CALCRL: variants seen among roughly 807,000 people sequenced by gnomAD.
CALCRL encodes calcitonin receptor like receptor, also known as calcitonin gene-related peptide type 1 receptor.
In CALCRL, 27 loss-of-function variants were observed where a neutral mutation model predicts 60.4. The observed-to-expected ratio is 0.45, with a 90% CI of 0.33 to 0.62. CALCRL has a LOEUF of 0.62. Among genes scored for constraint, CALCRL ranks in the 20% least tolerant of loss-of-function variants. The pLI is 0.03. For missense variants in CALCRL, 424 were observed against 540.7 expected, an observed-to-expected ratio of 0.78 and a Z score of 2.14; for synonymous variants, 190 against 182.6, an observed-to-expected ratio of 1.04 and a Z score of -0.33.
At chr2:187,424,632 A>G (rs1014758646) in intron 1 of CALCRL, among the ~76,000 whole-genome samples, 5 of 151,970 alleles carry the variant, frequency 3.3e-5, no homozygotes, top group African/African-American at 1.2e-4. Context: ...TAATATAGAC[A>G]AAAAAATTGG....
At chr2:187,399,027 A>G (rs952787239) in intron 1 of CALCRL, among the ~76,000 whole-genome samples, 1 of 151,718 alleles carries the variant, frequency 6.6e-6, no homozygotes, top group Non-Finnish European at 1.5e-5. Context: ...TATGTGTGGA[A>G]TAAGAAGGCT....
chr2:187,346,084 A>G lies in CALCRL; in HGVS notation c.*100T>C. ...TGAAGGCTCTTCTTTATGACATTCA[A>G]AAAGTCATTTAATATTGAAGTCTTC... On this transcript the variant is annotated 3_prime_UTR_variant, in exon 15 of 15. Coordinates refer to ENST00000392370, the MANE Select transcript of CALCRL (RefSeq NM_005795.6). The G allele has an allele frequency of 7.2e-6, 5 of 691,128 alleles. No homozygotes were observed. The highest frequency in any genetic ancestry group is 9.8e-6 in the Non-Finnish European group (4 of 410,178). The allele number at this position is 691,128 out of a possible 1,614,324, so 42.8% of individuals were successfully genotyped here.
chr2:187,358,887 C>A (rs1686922228), intron 12 of CALCRL, among the ~76,000 whole-genome samples, 176 bp downstream of exon 12: 1 of 152,156 alleles, frequency 6.6e-6, no homozygotes, highest in Non-Finnish European at 1.5e-5. Flanking sequence ...AGTTCCTTTG[C>A]CTTTCCTGCG....
chr2:187,368,335 A>T (rs566126216), intron 8 of CALCRL, among the ~76,000 whole-genome samples: 18 of 152,210 alleles, frequency 1.2e-4, no homozygotes, highest in Non-Finnish European at 2.4e-4. Context: ...TACCTCAGTA[A>T]TGTCAAACTT....
At chr2:187,412,068 G>A (rs1040998415) in intron 1 of CALCRL, among the ~76,000 whole-genome samples, 1 of 151,862 alleles carries the variant, frequency 6.6e-6, no homozygotes, top group East Asian at 1.9e-4. Flanking sequence ...GGACAGAGAT[G>A]CAGAGGAGGA....
At chr2:187,439,464 C>A (rs1367057045) in intron 1 of CALCRL, among the ~76,000 whole-genome samples, 1 of 151,868 alleles carries the variant, frequency 6.6e-6, no homozygotes, top group Non-Finnish European at 1.5e-5. Context: ...AAATAACTAA[C>A]TAACTAAATA....
At chr2:187,397,152 G>A (rs961721347) in intron 1 of CALCRL, among the ~76,000 whole-genome samples, 3 of 151,586 alleles carry the variant, frequency 2.0e-5, no homozygotes, top group Non-Finnish European at 4.4e-5. Context: ...TAAAATTTTT[G>A]TAAATATAAG....
In CALCRL at chr2:187,383,253, C is replaced by G; in HGVS notation, c.104G>C (p.Gly35Ala). 1 of 1,611,824 alleles carries G rather than the reference C, an allele frequency of 6.2e-7. No homozygotes were observed. The highest frequency in any genetic ancestry group is 1.3e-5 in the African/African-American group (1 of 74,802). ...TGTCATGATTTTATTTCTAGTAACT[C>G]CCAACTGAATTGAGTCCTCAGGACT... ...EESPEDSIQL[G>A]VTRNKIMTAQ... Residue 35 changes from glycine to alanine, a missense_variant, in exon 5 of 15, where the codon GGA (glycine) becomes GCA (alanine). Physicochemically the swap from Gly to Ala is moderately conservative, Grantham distance 60 (BLOSUM62 0). This residue lies in a region of CALCRL where 108 missense variants were observed against 132.9 expected (regional missense o/e 0.81). Coordinates refer to ENST00000392370, the MANE Select transcript of CALCRL (RefSeq NM_005795.6).
At chr2:187,391,244 G>T (rs1688432874) in intron 1 of CALCRL, among the ~76,000 whole-genome samples, 1 of 152,074 alleles carries the variant, frequency 6.6e-6, no homozygotes, top group Non-Finnish European at 1.5e-5. Context: ...TATATATTTA[G>T]CTTTTTCTAA....
At chr2:187,354,755 T>C (rs951146459) in intron 12 of CALCRL, among the ~76,000 whole-genome samples, 1 of 152,072 alleles carries the variant, frequency 6.6e-6, no homozygotes, top group African/African-American at 2.4e-5. Flanking sequence ...GCTATATTCC[T>C]GTATTTCATC....
intron 3 of CALCRL, 120 bp from the exon 4 acceptor site, chr2:187,385,751 T>A (rs1403927634): frequency 1.4e-5 from 9 of 640,420 alleles, no homozygotes; most frequent in Admixed American, 1.3e-4. Context: ...CTTTAAAGAT[T>A]TGATAAATCA....
intron 1 of CALCRL, among the ~76,000 whole-genome samples, chr2:187,421,180 A>G: frequency 6.6e-6 from 1 of 152,218 alleles, no homozygotes; most frequent in Non-Finnish European, 1.5e-5. Context: ...AAGATAACTG[A>G]AATCAGCTAC....
At chr2:187,346,712 T>C (rs1020297416) in intron 14 of CALCRL, among the ~76,000 whole-genome samples, 15 of 151,810 alleles carry the variant, frequency 9.9e-5, no homozygotes, top group African/African-American at 2.4e-5. Context: ...TGGACCCCCA[T>C]TTACAAGATT....
At chr2:187,436,811 G>A (rs1216454083) in intron 1 of CALCRL, among the ~76,000 whole-genome samples, 1 of 151,944 alleles carries the variant, frequency 6.6e-6, no homozygotes, top group East Asian at 1.9e-4. Flanking sequence ...ATGTCTTATT[G>A]GACTAATTTG....
chr2:187,398,092 A>G (rs897688329), intron 1 of CALCRL, among the ~76,000 whole-genome samples: 4 of 151,586 alleles, frequency 2.6e-5, no homozygotes, highest in African/African-American at 9.7e-5. Context: ...CAAGCGGCCA[A>G]ATCTCAGCCC....
intron 1 of CALCRL, among the ~76,000 whole-genome samples, chr2:187,413,056 T>C (rs1689434664): frequency 6.6e-6 from 1 of 152,176 alleles, no homozygotes; most frequent in Non-Finnish European, 1.5e-5. Flanking sequence ...TTTATTGGTA[T>C]ATAAGGATTT....
chr2:187,424,008 G>A (rs956219193), intron 1 of CALCRL, among the ~76,000 whole-genome samples: 6 of 152,092 alleles, frequency 3.9e-5, no homozygotes, highest in Middle Eastern at 3.4e-3. Context: ...AATGGGAATC[G>A]CTGGTTAGGT....
chr2:187,411,750 A>G (rs1689368229), intron 1 of CALCRL, among the ~76,000 whole-genome samples: 1 of 151,968 alleles, frequency 6.6e-6, no homozygotes, highest in African/African-American at 2.4e-5. Flanking sequence ...TAATCCCAGA[A>G]CTTTGGGAGG....
chr2:187,418,842 T>C (rs995236140), intron 1 of CALCRL, among the ~76,000 whole-genome samples: 13 of 146,450 alleles, frequency 8.9e-5, no homozygotes, highest in Admixed American at 4.2e-4. Flanking sequence ...GAAACTTGTG[T>C]TTTTTTTTCT....
Sources: allele counts gnomAD v4.1 joint callset (sites outside exome capture counted in the v4.1 genomes callset), GRCh38; gene constraint gnomAD v4.1.1; regional missense constraint gnomAD v4.1.1; transcripts MANE v1.5; gene names NCBI Gene and HGNC (gene_info 2026-07-23, HGNC 2026-07-21).